KLF16: variants seen among roughly 807,000 people sequenced by gnomAD.
KLF16 encodes KLF transcription factor 16, also known as Krueppel-like factor 16.
A neutral mutation model predicts 6.1 loss-of-function variants in KLF16; 6 were observed. The ratio of observed to expected loss-of-function variants is 0.98; its 90% confidence interval spans 0.54 to 1.93. The LOEUF is 1.93. Among genes scored for constraint, KLF16 ranks in the 30% most tolerant of loss-of-function variants. The pLI is 0.01. For synonymous variants in KLF16, 211 were observed against 176.5 expected, an observed-to-expected ratio of 1.20 and a Z score of -1.55; for missense variants, 355 against 363.8, an observed-to-expected ratio of 0.98 and a Z score of 0.20.
chr19:1,865,126 C>T (rs2012165945), upstream of KLF16, among the ~76,000 whole-genome samples: 1 of 152,206 alleles, frequency 6.6e-6, no homozygotes, highest in Non-Finnish European at 1.5e-5. Flanking sequence ...CTCCCTGGGC[C>T]CCAGTAAGCC....
chr19:1,870,316 G>A, the KLF16 span, among the ~76,000 whole-genome samples: 1 of 152,104 alleles, frequency 6.6e-6, no homozygotes, highest in Non-Finnish European at 1.5e-5. Context: ...CACGGCAGCA[G>A]CTCACATTTG....
rs10412637 is a variant in KLF16 at position 1,857,675 on chromosome 19, G to T, written c.458-2915C>A. On this transcript the variant is annotated intron_variant, in intron 1 of 1. Coordinates refer to ENST00000250916, the MANE Select transcript of KLF16 (RefSeq NM_031918.4). This position sits in a 1 kb window ranked among gnomAD's most constrained non-coding sequence, Gnocchi z 4.7. Reference sequence around the variant, plus strand: ...GTCTGGGGGGCCTTGGGGTGGGGAGGGGGGCTGTGGCCGGCTGCCTGCCGG... The same window carrying T: ...GTCTGGGGGGCCTTGGGGTGGGGAGTGGGGCTGTGGCCGGCTGCCTGCCGG... Among the ~76,000 whole-genome samples the T allele has an allele frequency of 7.2e-5, 11 of 151,804 alleles. No homozygotes were observed. Among genetic ancestry groups the T allele is most frequent in the South Asian group, 4.2e-4 (2 of 4,804 alleles).
At chr19:1,871,392 G>A in the KLF16 span, among the ~76,000 whole-genome samples, 1 of 152,290 alleles carries the variant, frequency 6.6e-6, no homozygotes, top group South Asian at 2.1e-4. Context: ...GCACTCAGCG[G>A]TCTGTGCCAC....
upstream of KLF16, among the ~76,000 whole-genome samples, chr19:1,864,518 A>G (rs1314120668): frequency 6.8e-6 from 1 of 147,224 alleles, no homozygotes; most frequent in Non-Finnish European, 1.5e-5. Flanking sequence ...GGGGGTGGGG[A>G]GGGCCGGTTG....
chr19:1,864,831 G>GC (rs1224224243), upstream of KLF16, among the ~76,000 whole-genome samples: 2 of 152,090 alleles, frequency 1.3e-5, no homozygotes, highest in African/African-American at 2.4e-5. Context: ...AAACTGGGCG[G>GC]CCCCCCTCGG....
chr19:1,861,678 G>A (rs1396991877), intron 1 of KLF16: 1 of 152,298 alleles, frequency 6.6e-6, no homozygotes, highest in East Asian at 1.9e-4. Context: ...CAGGGACTGA[G>A]CGAGGGGTGA....
At chr19:1,876,384 G>A in the KLF16 span, among the ~76,000 whole-genome samples, 1 of 152,244 alleles carries the variant, frequency 6.6e-6, no homozygotes, top group African/African-American at 2.4e-5. Flanking sequence ...CAGGCCACCG[G>A]TTCCCGAGTC....
At position 1,853,050 on chromosome 19, in the gene KLF16, C is replaced by G. The variant is rs1288558365; in HGVS notation, c.*1409G>C. 1.3e-5 allele frequency: 2 copies of G among 152,200 alleles called. No homozygotes were observed. Among genetic ancestry groups the G allele is most frequent in the African/African-American group, 2.4e-5 (1 of 41,390 alleles). 9.4% of individuals were successfully genotyped at this position (152,200 alleles called of 1,614,324 possible). Reference sequence around the variant, plus strand: ...CCACCTTTCTGGGTCTGACATGGAACCGGGGACCCTTCTCATTCCAGGCTG... The same window carrying G: ...CCACCTTTCTGGGTCTGACATGGAAGCGGGGACCCTTCTCATTCCAGGCTG... On this transcript the variant is annotated 3_prime_UTR_variant, in exon 2 of 2. Transcript: ENST00000250916.
At chr19:1,862,911 G>A (rs2012098259) in intron 1 of KLF16, 130 bp downstream of exon 1, 1 of 309,862 alleles carries the variant, frequency 3.2e-6, no homozygotes, top group Non-Finnish European at 4.7e-6. Context: ...CCGCCCTGCC[G>A]GCCGGCGCGG....
At chr19:1,873,682 G>A in the KLF16 span, among the ~76,000 whole-genome samples, 13 of 152,264 alleles carry the variant, frequency 8.5e-5, no homozygotes, top group Non-Finnish European at 1.6e-4. Flanking sequence ...CCTGGCCCCG[G>A]GCCATACCAA....
intron 1 of KLF16, among the ~76,000 whole-genome samples, chr19:1,859,117 C>T (rs1330187579): frequency 1.3e-5 from 2 of 151,526 alleles, no homozygotes; most frequent in African/African-American, 4.9e-5. Flanking sequence ...CCCACTCCGA[C>T]CCTCCCCAGA....
upstream of KLF16, among the ~76,000 whole-genome samples, chr19:1,867,541 G>A (rs2012207287): frequency 6.6e-6 from 1 of 152,050 alleles, no homozygotes; most frequent in Admixed American, 6.6e-5. Context: ...ACCCCAGCCT[G>A]GGCAACAGAG....
At chr19:1,866,511 G>A (rs1225870454), upstream of KLF16, among the ~76,000 whole-genome samples, 1 of 152,132 alleles carries the variant, frequency 6.6e-6, no homozygotes, top group Non-Finnish European at 1.5e-5. Context: ...CTACTCAGGA[G>A]GCTGGGGTAG....
rs1441502901 is a variant in KLF16 at position 1,856,842 on chromosome 19, C to G, written c.458-2082G>C. 2.6e-5 allele frequency among the ~76,000 whole-genome samples: 4 copies of G among 152,210 alleles called. No homozygotes were observed. In the East Asian group the frequency reaches 7.7e-4, roughly 29 times the overall value. On this transcript the variant is annotated intron_variant, in intron 1 of 1. Transcript: ENST00000250916. Reference sequence around the variant, plus strand: ...CGGCAGGAGGGAAGGGGGAACATCCCACGGCTGGGTGCCGGACAGTCAGTT... The same window carrying G: ...CGGCAGGAGGGAAGGGGGAACATCCGACGGCTGGGTGCCGGACAGTCAGTT...
chr19:1,859,502 G>A (rs950986595), intron 1 of KLF16, among the ~76,000 whole-genome samples: 4 of 151,814 alleles, frequency 2.6e-5, no homozygotes, highest in Non-Finnish European at 4.4e-5. Context: ...CGCCCCCAGC[G>A]TCCCCACCCT....
chr19:1,868,778 G>A, the KLF16 span, among the ~76,000 whole-genome samples: 16 of 151,850 alleles, frequency 1.1e-4, no homozygotes, highest in Admixed American at 1.1e-3. Flanking sequence ...GAGTAGCCGC[G>A]ATTACAGGCA....
upstream of KLF16, among the ~76,000 whole-genome samples, chr19:1,865,383 G>T (rs557831662): frequency 2.0e-5 from 3 of 152,338 alleles, no homozygotes; most frequent in South Asian, 4.1e-4. Context: ...CATCCCAGCA[G>T]CCCCCAGGGT....
intron 1 of KLF16, among the ~76,000 whole-genome samples, chr19:1,856,370 T>G (rs1410393684): frequency 6.6e-6 from 1 of 152,060 alleles, no homozygotes. Context: ...CCTTCTCATC[T>G]CATCCTTCCT....
chr19:1,855,437 TCCCGGGA>T (rs2011929419), intron 1 of KLF16, among the ~76,000 whole-genome samples: 1 of 138,656 alleles, frequency 7.2e-6, no homozygotes, highest in Non-Finnish European at 1.6e-5. Flanking sequence ...GGGCGGGGTC[TCCCGGGA>T]AGGGGCGGGG....
Sources: gnomAD v4.1 joint callset for allele counts (sites outside exome capture counted in the v4.1 genomes callset) on GRCh38, gnomAD v4.1.1 for gene constraint, Gnocchi (gnomAD v3.1) non-coding constraint, MANE v1.5 for transcripts, NCBI Gene and HGNC (gene_info 2026-07-23, HGNC 2026-07-21) for gene names.